The following BIRC6 variants were observed in gnomAD, a reference collection of about 807,000 sequenced individuals.
The protein encoded by BIRC6 is dual E2 ubiquitin-conjugating enzyme/E3 ubiquitin-protein ligase BIRC6.
In BIRC6, 98 loss-of-function variants were observed where a neutral mutation model predicts 503.3. That is an observed-to-expected ratio of 0.19 (90% CI 0.17 to 0.23). BIRC6 has a LOEUF of 0.23. Ranked by LOEUF, BIRC6 falls within the 10% of genes least tolerant of loss-of-function variation. BIRC6 has a pLI of 1.00. For synonymous variants in BIRC6, 2,240 were observed against 2,078.7 expected, an observed-to-expected ratio of 1.08 and a Z score of -2.11; for missense variants, 5,360 against 5,806.0, an observed-to-expected ratio of 0.92 and a Z score of 2.50.
intron 28 of BIRC6, 144 bp downstream of exon 28, chr2:32,468,255 CACTT>C (rs1470935151): frequency 2.1e-5 from 21 of 993,872 alleles, no homozygotes; most frequent in African/African-American, 8.2e-5. Flanking sequence ...GTTACAATAA[CACTT>C]AATGCGTGAA....
At chr2:32,493,782 G>A (rs6543658) in intron 45 of BIRC6, 115 bp downstream of exon 45, 487,438 of 781,970 alleles carry the variant, frequency 0.62, 155,262 homozygotes, top group African/African-American at 0.7. Flanking sequence ...GCAGGAGGAC[G>A]GTAGTAATTA....
chr2:32,464,931 A>G (rs905410163), intron 25 of BIRC6, 108 bp downstream of exon 25: 1 of 1,400,538 alleles, frequency 7.1e-7, no homozygotes, highest in Admixed American at 2.5e-5. Flanking sequence ...GTATCAAGTT[A>G]TTTTCTTTTA....
At chr2:32,426,214 A>G (rs1374446623) in intron 10 of BIRC6, among the ~76,000 whole-genome samples, 3 of 152,194 alleles carry the variant, frequency 2.0e-5, no homozygotes, top group Non-Finnish European at 4.4e-5. Context: ...TAATAATACA[A>G]TCTACTTCAG....
At position 32,453,923 on chromosome 2, in the gene BIRC6, A is replaced by C; in HGVS notation, c.4734A>C (p.Arg1578Ser). The C allele has an allele frequency of 6.2e-7, 1 of 1,613,340 alleles. No homozygotes were observed. ...FTCVSTSDGT[R>S]IERDDAMSSF... ...GTGTGTCAACTAGTGATGGAACCAG[A>C]ATAGAAAGGGATGATGCAAGTACGT... Residue 1578 changes from arginine to serine, a missense_variant, in exon 23 of 74, where the codon AGA becomes AGC. Around this residue, in one of 16 missense-constraint regions of BIRC6, gnomAD observed 2,299 missense variants for 2,267.2 expected, o/e 1.01. Transcript: ENST00000421745.
chr2:32,431,183 T>C, intron 12 of BIRC6, 93 bp downstream of exon 12: 1 of 189,706 alleles, frequency 5.3e-6, no homozygotes, highest in Non-Finnish European at 7.7e-6. Flanking sequence ...CTGTTTATCT[T>C]TTTTTTTTTT....
chr2:32,603,029 G>A lies in BIRC6; in HGVS notation c.14016G>A (p.Thr4672=), dbSNP rs151158050. The change falls in exon 71 of 74, where the codon ACG becomes ACA. Residue 4672 remains threonine, a synonymous_variant. Transcript: ENST00000421745. ...AGGTTTGTTTAAGCATCTTAAACAC[G>A]TGGCATGGAAGACCAGAAGAGAAGT... is the stretch of plus-strand genomic sequence containing the variant. ...DGKVCLSILN[T]WHGRPEEKWN... is the part of the protein sequence containing the mutation. 6.2e-6 allele frequency: 10 copies of A among 1,610,780 alleles called. No individual in the cohort carries two copies. The highest frequency in any genetic ancestry group is 1.6e-4 in the Middle Eastern group (1 of 6,072).
At chr2:32,494,964 T>G (rs575555903) in intron 45 of BIRC6, among the ~76,000 whole-genome samples, 14 of 152,222 alleles carry the variant, frequency 9.2e-5, no homozygotes, top group Non-Finnish European at 2.1e-4. Flanking sequence ...ATTGCCACTT[T>G]TTTATCTAAT....
At chr2:32,534,946 C>G (rs923037140) in intron 61 of BIRC6, among the ~76,000 whole-genome samples, 11 of 151,046 alleles carry the variant, frequency 7.3e-5, no homozygotes, top group African/African-American at 2.4e-4. Flanking sequence ...AATCTCAATT[C>G]AACATGTAAG....
chr2:32,404,474 C>T (rs2040965026), intron 8 of BIRC6, among the ~76,000 whole-genome samples: 2 of 151,270 alleles, frequency 1.3e-5, no homozygotes, highest in Admixed American at 1.3e-4. Flanking sequence ...GCCACCATGC[C>T]TGGGTAAATT....
Position 32,388,900 on chromosome 2 carries a change from G to A in BIRC6, c.796G>A (p.Ala266Thr). ...MDRLSYLLPS[A>T]RPELGVGPGR... ...CAGATTGTCTTACCTCTTACCTAGT[G>A]CACGTCCAGAACTCGGAGTGGGGCC... The change falls in exon 4 of 74, where the codon GCA becomes ACA. Residue 266 changes from alanine (A) to threonine (T), a missense_variant. Ala to Thr is a moderately conservative substitution (Grantham distance 58, BLOSUM62 0). Coordinates refer to ENST00000421745, the MANE Select transcript of BIRC6 (RefSeq NM_016252.4). 1.9e-6 allele frequency: 3 copies of A among 1,608,016 alleles called. No individual in the cohort carries two copies. Among genetic ancestry groups the A allele is most frequent in the East Asian group, 2.2e-5 (1 of 44,602 alleles).
At chr2:32,469,355 A>G (rs759187964) in intron 29 of BIRC6, 40 bp from the exon 30 acceptor site, 6 of 1,483,642 alleles carry the variant, frequency 4.0e-6, no homozygotes, top group Admixed American at 1.9e-5. Flanking sequence ...TATACAATAC[A>G]TTTAAATAGG....
At chr2:32,491,661 C>G in intron 44 of BIRC6, 103 bp downstream of exon 44, 1 of 1,189,028 alleles carries the variant, frequency 8.4e-7, no homozygotes, top group Non-Finnish European at 1.2e-6. Flanking sequence ...TAAATAATAG[C>G]CTTTTATGTA....
At chr2:32,381,363 C>T (rs2037617128) in intron 3 of BIRC6, among the ~76,000 whole-genome samples, 1 of 152,094 alleles carries the variant, frequency 6.6e-6, no homozygotes, top group Non-Finnish European at 1.5e-5. Flanking sequence ...CCTCAGTCTC[C>T]TGAGTAGCTG....
In BIRC6 at chr2:32,476,263, A is replaced by C. The variant is rs1408506483; in HGVS notation, c.6771A>C (p.Glu2257Asp). ...AKQKALVEQM[E>D]KEKIQSNKGS... ...AGAAGGCATTGGTAGAACAGATGGA[A>C]AAAGAAAAAATACAAAGTAACAAAG... Residue 2257 changes from glutamate to aspartate, a missense_variant, in exon 34 of 74, where the codon GAA becomes GAC. Physicochemically the swap from Glu to Asp is conservative, Grantham distance 45. This residue lies in a region of BIRC6 where 2,299 missense variants were observed against 2,267.2 expected (regional missense o/e 1.01). Transcript: ENST00000421745. 6.4e-7 allele frequency: 1 copy of C among 1,555,958 alleles called. No individual in the cohort carries two copies. Among genetic ancestry groups the C allele is most frequent in the Admixed American group, 1.9e-5 (1 of 51,480 alleles).
chr2:32,461,053 TTC>T (rs2047879535), intron 23 of BIRC6, among the ~76,000 whole-genome samples: 3 of 58,488 alleles, frequency 5.1e-5, no homozygotes, highest in African/African-American at 1.0e-4. Flanking sequence ...TTCTCTTCTC[TTC>T]TCTTCTCTTC....
chr2:32,380,727 C>T (rs62136271), intron 3 of BIRC6, among the ~76,000 whole-genome samples: 3 of 151,404 alleles, frequency 2.0e-5, no homozygotes, highest in Non-Finnish European at 4.4e-5. Flanking sequence ...GACTCTGTTG[C>T]CCAAAAAAAA....
intron 57 of BIRC6, chr2:32,522,254 A>T (rs1240812160): frequency 1.3e-5 from 2 of 151,608 alleles, no homozygotes; most frequent in Non-Finnish European, 2.9e-5. Flanking sequence ...TCGCTTCTTT[A>T]TTTGCCTGGA....
At chr2:32,556,058 T>A (rs2150538779) in intron 65 of BIRC6, among the ~76,000 whole-genome samples, 1 of 152,344 alleles carries the variant, frequency 6.6e-6, no homozygotes, top group East Asian at 1.9e-4. Context: ...TGCCTATGTT[T>A]AATGTATTTA....
intron 3 of BIRC6, among the ~76,000 whole-genome samples, chr2:32,386,817 G>A (rs905338160): frequency 6.6e-6 from 1 of 152,102 alleles, no homozygotes; most frequent in African/African-American, 2.4e-5. Context: ...TATCTTTGTA[G>A]AGAAGGAAAG....
Sources: gnomAD v4.1 joint callset for allele counts (sites outside exome capture counted in the v4.1 genomes callset) on GRCh38, gnomAD v4.1.1 for gene constraint, gnomAD v4.1.1 regional missense constraint, MANE v1.5 for transcripts, NCBI Gene and HGNC (gene_info 2026-07-23, HGNC 2026-07-21) for gene names.